The following SUZ12 variants were observed in gnomAD, a reference collection of about 807,000 sequenced individuals.
The protein encoded by SUZ12 is SUZ12 polycomb repressive complex 2 subunit.
A neutral mutation model predicts 87.3 loss-of-function variants in SUZ12; 17 were observed. That is an observed-to-expected ratio of 0.19 (90% CI 0.13 to 0.29). SUZ12 has a LOEUF of 0.29. Among genes scored for constraint, SUZ12 ranks in the 10% least tolerant of loss-of-function variants. The pLI, the probability that SUZ12 is intolerant of heterozygous loss-of-function variation, is 1.00. For missense variants in SUZ12, 526 were observed against 912.2 expected, an observed-to-expected ratio of 0.58 and a Z score of 5.45; for synonymous variants, 253 against 312.4, an observed-to-expected ratio of 0.81 and a Z score of 2.01.
chr17:31,944,050 T>A (rs995858597), intron 3 of SUZ12, among the ~76,000 whole-genome samples: 10 of 152,142 alleles, frequency 6.6e-5, no homozygotes, highest in African/African-American at 2.4e-4. Flanking sequence ...GGATGCAACC[T>A]GATCTTAATT....
chr17:31,993,649 A>G (rs1048457685), intron 11 of SUZ12, among the ~76,000 whole-genome samples: 11 of 151,986 alleles, frequency 7.2e-5, no homozygotes, highest in Admixed American at 5.9e-4. Flanking sequence ...TTGAGCTCCA[A>G]GCGATACATT....
chr17:31,962,678 G>C (rs1296343435), intron 4 of SUZ12, among the ~76,000 whole-genome samples: 3 of 152,196 alleles, frequency 2.0e-5, no homozygotes, highest in African/African-American at 4.8e-5. Flanking sequence ...CGAGTAAGTG[G>C]CACCAGAATT....
rs1910213876 is a variant in SUZ12 at position 32,000,688 on chromosome 17, T to C, written c.*1685T>C. The C allele has an allele frequency of 4.3e-6, 1 of 232,196 alleles. No individual in the cohort carries two copies. The highest frequency in any genetic ancestry group is 8.5e-6 in the Non-Finnish European group (1 of 117,294). The allele number at this position is 232,196 out of a possible 1,614,324, so 14.4% of individuals were successfully genotyped here. The stretch of plus-strand genomic sequence containing the variant: ...GAGATGTAGGTGTAGAATTATTGCT[T>C]ATGTCATTTCTTAAGCAGTTATGCT... On this transcript the variant is annotated 3_prime_UTR_variant, in exon 16 of 16. Transcript: ENST00000322652.
chr17:31,969,811 T>A (rs2627078), intron 5 of SUZ12, among the ~76,000 whole-genome samples: 2 of 152,194 alleles, frequency 1.3e-5, no homozygotes, highest in African/African-American at 4.8e-5. Flanking sequence ...AGCTGGGAGG[T>A]TTGCTTGAGC....
rs58491591 is a variant in SUZ12, at chr17:31,980,429, C to CTTTTTTTTTTT, written c.918-2543_918-2533dup. ...TAAGATATACCAGAATCACCTTCTC[C>CTTTTTTTTTTT]TTTTTTTTTTTTTTTTTTTTTTTTT... On this transcript the variant is annotated intron_variant, in intron 8 of 15. Coordinates refer to ENST00000322652, the MANE Select transcript of SUZ12 (RefSeq NM_015355.4). Among the ~76,000 whole-genome samples, 48 of 53,832 alleles carry CTTTTTTTTTTT rather than the reference C, an allele frequency of 8.9e-4. 13 individuals are homozygous for CTTTTTTTTTTT. In the East Asian group the frequency reaches 9.6e-3, roughly 11 times the overall value. The allele number at this position is 53,832 out of a possible 152,430, so 35.3% of individuals were successfully genotyped here.
chr17:31,961,517 C>A (rs1907713089), intron 4 of SUZ12, among the ~76,000 whole-genome samples: 1 of 152,144 alleles, frequency 6.6e-6, no homozygotes, highest in African/African-American at 2.4e-5. Flanking sequence ...GCACTCCAGC[C>A]TGGGCTACAG....
At position 31,965,854 on chromosome 17, in the gene SUZ12, A is replaced by G. The variant is rs1470127247; in HGVS notation, c.456-293A>G. ...AACACAGTAAATTACCTGGCCTCCAACTTGGTAGTCTGATTTTTTTCTGCC... is the reference window on the plus strand; with the variant it reads ...AACACAGTAAATTACCTGGCCTCCAGCTTGGTAGTCTGATTTTTTTCTGCC... On this transcript the variant is annotated intron_variant, in intron 4 of 15. Transcript: ENST00000322652. 1.2e-5 allele frequency: 3 copies of G among 251,452 alleles called. No homozygotes were observed. The East Asian group carries it at 2.2e-4, about 19-fold the overall frequency. The allele number at this position is 251,452 out of a possible 1,614,324, so 15.6% of individuals were successfully genotyped here.
In SUZ12 at chr17:31,947,601, T is replaced by C. The variant is rs1318989779; in HGVS notation, c.387-16T>C. ...CCAGTTGAGAAGTGATTATTTTGTT[T>C]ATCTGTTTCTTCCAGGAAAACATTT... On this transcript the variant is annotated splice_polypyrimidine_tract_variant and intron_variant, in intron 3 of 15. Coordinates refer to ENST00000322652, the MANE Select transcript of SUZ12 (RefSeq NM_015355.4). The C allele has an allele frequency of 1.3e-6, 2 of 1,597,904 alleles. No homozygotes were observed. Among genetic ancestry groups the C allele is most frequent in the African/African-American group, 1.3e-5 (1 of 74,492 alleles).
intron 9 of SUZ12, among the ~76,000 whole-genome samples, chr17:31,984,285 A>G (rs377661856): frequency 2.0e-5 from 3 of 152,206 alleles, no homozygotes; most frequent in South Asian, 4.1e-4. Flanking sequence ...AGGTGGTGGT[A>G]TAGCTATGTG....
intron 4 of SUZ12, among the ~76,000 whole-genome samples, chr17:31,949,836 A>G (rs1478034768): frequency 1.3e-5 from 2 of 151,046 alleles, no homozygotes; most frequent in Non-Finnish European, 2.9e-5. Context: ...GACGTGCACC[A>G]CCACACCCAG....
Position 31,975,653 on chromosome 17 carries a change from A to T in SUZ12, c.763A>T (p.Thr255Ser), listed in dbSNP as rs755596552. 1.9e-6 allele frequency: 3 copies of T among 1,613,772 alleles called. No individual in the cohort carries two copies. Among genetic ancestry groups the T allele is most frequent in the Non-Finnish European group, 1.7e-6 (2 of 1,179,936 alleles). ...GTCTTACTCGTTGCTATTTAGAGTG[A>T]CTCGTCCAGGAAGAAGAGAGTTTAA... ...VKSYSLLFRVTRPGRREFNGM... is the reference protein window; with the variant it reads ...VKSYSLLFRVSRPGRREFNGM... The change falls in exon 7 of 16, where the codon ACT (threonine) becomes TCT (serine). Residue 255 changes from threonine (T) to serine (S), a missense_variant. Thr to Ser is a moderately conservative substitution (Grantham distance 58). Coordinates refer to ENST00000322652, the MANE Select transcript of SUZ12 (RefSeq NM_015355.4).
chr17:31,955,401 C>T (rs1907249999), intron 4 of SUZ12, among the ~76,000 whole-genome samples: 1 of 152,126 alleles, frequency 6.6e-6, no homozygotes, highest in Non-Finnish European at 1.5e-5. Context: ...CCTGCCTCAG[C>T]CTACCGAATA....
chr17:31,958,632 G>A (rs1907513597), intron 4 of SUZ12, among the ~76,000 whole-genome samples: 1 of 152,160 alleles, frequency 6.6e-6, no homozygotes, highest in African/African-American at 2.4e-5. Flanking sequence ...CGGATCATGA[G>A]GTCAAGAGAT....
chr17:31,940,225 G>A, intron 1 of SUZ12, 61 bp from the exon 2 acceptor site: 2 of 1,571,788 alleles, frequency 1.3e-6, no homozygotes, highest in Non-Finnish European at 1.7e-6. Flanking sequence ...CATGGTCTCG[G>A]TTGATATTTT....
At chr17:31,949,870 A>G (rs549495864) in intron 4 of SUZ12, among the ~76,000 whole-genome samples, 3 of 151,628 alleles carry the variant, frequency 2.0e-5, no homozygotes, top group East Asian at 3.9e-4. Context: ...TTTAGTAGAA[A>G]CAGAGTTTCA....
At chr17:31,957,997 G>A (rs1200641113) in intron 4 of SUZ12, among the ~76,000 whole-genome samples, 1 of 149,170 alleles carries the variant, frequency 6.7e-6, no homozygotes, top group Non-Finnish European at 1.5e-5. Context: ...CTGCCTCCCG[G>A]GTTCATGCCA....
chr17:31,984,414 G>GAA (rs138884647), intron 9 of SUZ12, among the ~76,000 whole-genome samples: 1 of 151,700 alleles, frequency 6.6e-6, no homozygotes, highest in Non-Finnish European at 1.5e-5. Context: ...CATAAGCATG[G>GAA]AAAAAAAATA....
intron 1 of SUZ12, among the ~76,000 whole-genome samples, chr17:31,939,467 A>G (rs1185216814): frequency 6.6e-5 from 10 of 151,786 alleles, no homozygotes; most frequent in Non-Finnish European, 1.5e-4. Flanking sequence ...GATCTGTATT[A>G]GGATGTCATC....
chr17:31,995,333 C>CT (rs1341671672), intron 13 of SUZ12, among the ~76,000 whole-genome samples: 2 of 152,146 alleles, frequency 1.3e-5, no homozygotes, highest in Admixed American at 6.5e-5. Flanking sequence ...TTAACTGTAA[C>CT]TTTTCACACC....
Sources: allele counts gnomAD v4.1 joint callset (sites outside exome capture counted in the v4.1 genomes callset), GRCh38; gene constraint gnomAD v4.1.1; transcripts MANE v1.5; gene names NCBI Gene and HGNC (gene_info 2026-07-23, HGNC 2026-07-21).